Variants in PIGN observed in about 807,000 individuals in gnomAD.
PIGN encodes the protein GPI ethanolamine phosphate transferase 1.
PIGN carries 117 observed loss-of-function variants against 125.4 expected under a neutral mutation model. That is an observed-to-expected ratio of 0.93 (90% CI 0.80 to 1.09). PIGN has a LOEUF of 1.09. Ranked by LOEUF, PIGN falls within the 50% of genes least tolerant of loss-of-function variation. The pLI is 0.00. For missense variants in PIGN, 1,075 were observed against 1,094.9 expected, an observed-to-expected ratio of 0.98 and a Z score of 0.26; for synonymous variants, 392 against 377.8, an observed-to-expected ratio of 1.04 and a Z score of -0.44.
intron 23 of PIGN, among the ~76,000 whole-genome samples, chr18:62,027,000 C>T (rs1211982036): frequency 1.3e-5 from 2 of 152,054 alleles, no homozygotes; most frequent in African/African-American, 4.8e-5. Context: ...GTCAGGAGTT[C>T]GAGACCAGCC....
At chr18:62,079,749 T>C (rs2033358865) in intron 28 of PIGN, among the ~76,000 whole-genome samples, 1 of 148,742 alleles carries the variant, frequency 6.7e-6, no homozygotes, top group Admixed American at 6.7e-5. Context: ...GGAGCTGAAA[T>C]CCATAGACTT....
chr18:62,162,538 A>G (rs1400234902), intron 2 of PIGN: 2 of 152,160 alleles, frequency 1.3e-5, no homozygotes, highest in Non-Finnish European at 2.9e-5. Context: ...GAAACATTGG[A>G]AAAACACTCA....
chr18:62,038,515 G>T (rs17069361), downstream of PIGN, among the ~76,000 whole-genome samples: 3,391 of 152,162 alleles, frequency 0.022, 108 homozygotes, highest in African/African-American at 0.058. Context: ...GGTGAGAAGG[G>T]TCATAAAAAA....
intron 22 of PIGN, among the ~76,000 whole-genome samples, chr18:62,098,178 AT>A: frequency 6.6e-6 from 1 of 152,344 alleles, no homozygotes; most frequent in East Asian, 1.9e-4. Context: ...TGTGGTTATT[AT>A]TATTAGTCAA....
At chr18:62,026,561 C>A (rs2030121249) in intron 23 of PIGN, among the ~76,000 whole-genome samples, 1 of 152,180 alleles carries the variant, frequency 6.6e-6, no homozygotes, top group Non-Finnish European at 1.5e-5. Flanking sequence ...TCTGAAAAAA[C>A]CAAACCTTTC....
intron 17 of PIGN, 150 bp from the exon 18 acceptor site, chr18:62,107,235 G>A: frequency 1.6e-6 from 1 of 613,446 alleles, no homozygotes; most frequent in Non-Finnish European, 2.9e-6. Context: ...TTGTTTCAAG[G>A]GCTTTATTTA....
At chr18:62,078,544 C>T (rs1402542740) in intron 28 of PIGN, among the ~76,000 whole-genome samples, 1 of 152,190 alleles carries the variant, frequency 6.6e-6, no homozygotes. Context: ...TTGAATGTGT[C>T]CCTGGTTCCC....
At chr18:62,088,308 T>C (rs939258442) in intron 25 of PIGN, 1 of 152,502 alleles carries the variant, frequency 6.6e-6, no homozygotes, top group Non-Finnish European at 1.5e-5. Context: ...TTTCACAACA[T>C]TGCCTCTGAT....
intron 9 of PIGN, 113 bp downstream of exon 9, chr18:62,146,858 A>T: frequency 9.8e-7 from 1 of 1,017,680 alleles, no homozygotes; most frequent in Non-Finnish European, 1.4e-6. Context: ...ATTATGTGCT[A>T]GACATTTTGT....
At chr18:62,170,936 A>C (rs181740133) in intron 1 of PIGN, among the ~76,000 whole-genome samples, 5 of 152,340 alleles carry the variant, frequency 3.3e-5, no homozygotes, top group Admixed American at 6.5e-5. Context: ...ACATTTCCTC[A>C]AGCCAAAGCC....
intron 1 of PIGN, among the ~76,000 whole-genome samples, chr18:62,186,499 C>G (rs1324384297): frequency 6.6e-6 from 1 of 152,212 alleles, no homozygotes; most frequent in Non-Finnish European, 1.5e-5. Flanking sequence ...TGTTTTCCAA[C>G]TCGACGATGT....
intron 1 of PIGN, among the ~76,000 whole-genome samples, chr18:62,183,261 A>G (rs1219517913): frequency 6.9e-5 from 2 of 28,874 alleles, no homozygotes; most frequent in Non-Finnish European, 2.0e-4. Context: ...TCACAGCTGG[A>G]AAAAAAAAAC....
At chr18:62,052,387 T>G (rs2031373546) in intron 30 of PIGN, 1 of 151,234 alleles carries the variant, frequency 6.6e-6, no homozygotes, top group South Asian at 2.1e-4. Flanking sequence ...TTGGTGCTCC[T>G]GTATTGGGTG....
rs143077221 is a variant in PIGN, at chr18:62,078,291, T to C, written c.2577-3470A>G. 1.8e-3 allele frequency among the ~76,000 whole-genome samples: 275 copies of C among 152,320 alleles called. 2 individuals are homozygous for C. Among genetic ancestry groups the C allele is most frequent in the African/African-American group, 6.1e-3 (253 of 41,562 alleles). On this transcript the variant is annotated intron_variant, in intron 28 of 30. Transcript: ENST00000640252. ...TTAACAGAGAATACGATCCCTGAACTAAGTCTTAATTAAAAGGAAGGAAAA... is the reference window on the plus strand; with the variant it reads ...TTAACAGAGAATACGATCCCTGAACCAAGTCTTAATTAAAAGGAAGGAAAA...
chr18:62,181,937 G>A (rs1413496941), intron 1 of PIGN, among the ~76,000 whole-genome samples: 1 of 152,116 alleles, frequency 6.6e-6, no homozygotes, highest in African/African-American at 2.4e-5. Context: ...TGTTGGCCAG[G>A]CTGGTCTCAA....
intron 14 of PIGN, among the ~76,000 whole-genome samples, chr18:62,126,538 C>A (rs2035542540): frequency 6.6e-6 from 1 of 152,096 alleles, no homozygotes; most frequent in African/African-American, 2.4e-5. Context: ...AAAGTCTCTG[C>A]ATCCCAGTTT....
At chr18:62,072,628 A>G (rs1298409670) in intron 30 of PIGN, 45 bp downstream of exon 30, 1 of 1,431,334 alleles carries the variant, frequency 7.0e-7, no homozygotes, top group Middle Eastern at 1.8e-4. Flanking sequence ...TATTTCTCAG[A>G]ACTTATCCCT....
intron 30 of PIGN, among the ~76,000 whole-genome samples, chr18:62,050,252 T>C (rs1273204211): frequency 6.6e-6 from 1 of 152,224 alleles, no homozygotes; most frequent in Non-Finnish European, 1.5e-5. Flanking sequence ...CATTGGTAGC[T>C]TAATGGGGAT....
At chr18:62,155,473 G>A (rs1357017284) in intron 6 of PIGN, among the ~76,000 whole-genome samples, 1 of 152,196 alleles carries the variant, frequency 6.6e-6, no homozygotes, top group Non-Finnish European at 1.5e-5. Context: ...GGGGGCTGAG[G>A]CAGAAGAATC....
Sources: gnomAD v4.1 joint callset for allele counts (sites outside exome capture counted in the v4.1 genomes callset) on GRCh38, gnomAD v4.1.1 for gene constraint, MANE v1.5 for transcripts, NCBI Gene and HGNC (gene_info 2026-07-23, HGNC 2026-07-21) for gene names.